EXOSC5: variants seen among roughly 807,000 people sequenced by gnomAD.
EXOSC5 encodes the protein exosome component 5, also known as exosome complex component RRP46.
In EXOSC5, 15 loss-of-function variants were observed where a neutral mutation model predicts 23.7. The ratio of observed to expected loss-of-function variants is 0.63; its 90% CI spans 0.42 to 0.97. The LOEUF (loss-of-function observed/expected upper bound fraction) is 0.97. Ranked by LOEUF, EXOSC5 falls within the 50% of genes least tolerant of loss-of-function variation. The pLI is 0.00. For synonymous variants in EXOSC5, 143 were observed against 140.9 expected, an observed-to-expected ratio of 1.02 and a Z score of -0.11; for missense variants, 305 against 316.3, an observed-to-expected ratio of 0.96 and a Z score of 0.27.
chr19:41,388,339 T>C (rs1035116593), intron 4 of EXOSC5, among the ~76,000 whole-genome samples: 4 of 152,238 alleles, frequency 2.6e-5, no homozygotes, highest in African/African-American at 9.6e-5. Flanking sequence ...TACCAGCTAG[T>C]TTCCATCAGT....
At chr19:41,391,988 G>A (rs765428851) in intron 2 of EXOSC5, 26 bp from the exon 3 acceptor site, 9 of 1,569,206 alleles carry the variant, frequency 5.7e-6, no homozygotes, top group Non-Finnish European at 6.9e-6. Flanking sequence ...AGAGGTTCAG[G>A]GTCTTCCCCT....
At position 41,389,773 on chromosome 19, in the gene EXOSC5, G is replaced by A. The variant is rs763537645; in HGVS notation, c.517C>T (p.Gln173Ter). The A allele has an allele frequency of 1.2e-6, 2 of 1,613,036 alleles. No individual in the cohort carries two copies. The highest frequency in any genetic ancestry group is 1.7e-6 in the Non-Finnish European group (2 of 1,179,598). The stretch of plus-strand genomic sequence containing the variant: ...CTGGTCTTCACACCTACCTTTTCTT[G>A]CTTGGATGTAGGATCCAGCACGAGG... The part of the protein sequence containing the change: ...GTLVLDPTSK[Q>*]EKEARAVLTF... Residue 173 changes from glutamine (Q) to a stop codon, truncating the protein, a stop_gained, in exon 4 of 6, where the codon CAA (glutamine) becomes TAA (stop). Coordinates refer to ENST00000221233, the MANE Select transcript of EXOSC5 (RefSeq NM_020158.4). LOFTEE classifies it high-confidence loss of function.
At chr19:41,392,767 C>T (rs1361091171) in intron 2 of EXOSC5, 100 bp downstream of exon 2, 35 of 954,034 alleles carry the variant, frequency 3.7e-5, no homozygotes, top group Non-Finnish European at 5.8e-5. Context: ...AGTGGAGACC[C>T]AAGCGGGGAG....
intron 3 of EXOSC5, 144 bp downstream of exon 3, chr19:41,391,697 C>T: frequency 8.9e-7 from 1 of 1,124,498 alleles, no homozygotes. Context: ...AGTAAGCACC[C>T]AGGCTGTTTG....
At position 41,392,961 on chromosome 19, in the gene EXOSC5, C is replaced by T. The variant is rs946478827; in HGVS notation, c.168G>A (p.Ala56=). 8 of 1,613,118 alleles carry T rather than the reference C, an allele frequency of 5.0e-6. No individual in the cohort carries two copies. Among genetic ancestry groups the T allele is most frequent in the Middle Eastern group, 1.8e-4 (1 of 5,422 alleles). The change falls in exon 2 of 6, where the codon GCG becomes GCA. Residue 56 remains alanine (A), a synonymous_variant. Transcript: ENST00000221233. ...SFLQGDTSVL[A]GVYGPAEVKV... ...TCACCTCGGCCGGCCCGTACACACC[C>T]GCCAGGACAGAGGTGTCACCTGAGG...
intron 1 of EXOSC5, among the ~76,000 whole-genome samples, chr19:41,394,219 G>A (rs11667908): frequency 0.65 from 99,148 of 151,610 alleles, 33,500 homozygotes; most frequent in African/African-American, 0.82. Flanking sequence ...CTCTACTAAA[G>A]ATACAAAAAT....
chr19:41,388,773 G>A (rs7259208), intron 4 of EXOSC5, among the ~76,000 whole-genome samples: 4,464 of 152,246 alleles, frequency 0.029, 188 homozygotes, highest in African/African-American at 0.098. Context: ...CACCTGAGCC[G>A]ATGAGGAAAA....
At chr19:41,388,574 G>T (rs993423770) in intron 4 of EXOSC5, among the ~76,000 whole-genome samples, 1 of 152,124 alleles carries the variant, frequency 6.6e-6, no homozygotes, top group Non-Finnish European at 1.5e-5. Context: ...GTCTGGGAGG[G>T]GTTTCTCATC....
intron 1 of EXOSC5, among the ~76,000 whole-genome samples, chr19:41,395,223 G>GT (rs1227004287): frequency 7.0e-6 from 1 of 143,766 alleles, no homozygotes; most frequent in Non-Finnish European, 1.5e-5. Flanking sequence ...GGTTAAGGCC[G>GT]TATTTCCTGG....
chr19:41,396,646 C>T (rs2039067919), intron 1 of EXOSC5, among the ~76,000 whole-genome samples: 1 of 99,018 alleles, frequency 1.0e-5, no homozygotes, highest in Admixed American at 1.0e-4. Context: ...TTGACTTGCC[C>T]TAATCTTAGG....
At chr19:41,392,340 G>T (rs964483137) in intron 2 of EXOSC5, among the ~76,000 whole-genome samples, 2 of 152,192 alleles carry the variant, frequency 1.3e-5, no homozygotes, top group Admixed American at 6.5e-5. Context: ...CCAACACTTT[G>T]GGGGGCTGAG....
chr19:41,395,051 A>G (rs1331203858), intron 1 of EXOSC5, among the ~76,000 whole-genome samples: 3 of 151,164 alleles, frequency 2.0e-5, no homozygotes, highest in African/African-American at 2.4e-5. Context: ...AAAAAAGAAA[A>G]AAAAAAAAAG....
At position 41,397,348 on chromosome 19, in the gene EXOSC5, G is replaced by A. The variant is rs764990672; in HGVS notation, c.-20C>T. On this transcript the variant is annotated 5_prime_UTR_variant, in exon 1 of 6. Coordinates refer to ENST00000221233, the MANE Select transcript of EXOSC5 (RefSeq NM_020158.4). Reference sequence around the variant, plus strand: ...CTCCATCGCGCCGAGCCCACGTGCGGCTGCAGTTGTCACTTCCGCCTGGCA... The same window carrying A: ...CTCCATCGCGCCGAGCCCACGTGCGACTGCAGTTGTCACTTCCGCCTGGCA... 1 of 1,596,868 alleles carries A rather than the reference G, an allele frequency of 6.3e-7. No individual in the cohort carries two copies. Among genetic ancestry groups the A allele is most frequent in the Non-Finnish European group, 8.6e-7 (1 of 1,167,482 alleles).
At chr19:41,389,247 T>C (rs926202891) in intron 4 of EXOSC5, among the ~76,000 whole-genome samples, 1 of 149,212 alleles carries the variant, frequency 6.7e-6, no homozygotes, top group African/African-American at 2.5e-5. Flanking sequence ...CACCTGGCCA[T>C]ACATTTCCTT....
At chr19:41,393,620 C>A (rs1275398542) in intron 1 of EXOSC5, among the ~76,000 whole-genome samples, 2 of 150,860 alleles carry the variant, frequency 1.3e-5, no homozygotes, top group African/African-American at 4.9e-5. Flanking sequence ...AGTGCAGTGG[C>A]GTAATCTCGG....
Position 41,389,905 on chromosome 19 carries a change from G to A in EXOSC5, c.385C>T (p.Leu129Phe), listed in dbSNP as rs1421378618. ...GCGGCATTCAGACAACAGGCCAGGA[G>A]CTGAGCACCACAGGAAATGGTTAAG... ...VLQVVSDAGS[L>F]LACCLNAACM... Residue 129 changes from leucine to phenylalanine, a missense_variant and splice_region_variant, in exon 4 of 6, where the codon CTC becomes TTC. Leu to Phe is a conservative substitution (Grantham distance 22, BLOSUM62 0). Transcript: ENST00000221233. 1 of 1,589,918 alleles carries A rather than the reference G, an allele frequency of 6.3e-7. No homozygotes were observed. Among genetic ancestry groups the A allele is most frequent in the Non-Finnish European group, 8.5e-7 (1 of 1,172,960 alleles).
chr19:41,394,984 C>T (rs1321342579), intron 1 of EXOSC5, among the ~76,000 whole-genome samples: 5 of 148,692 alleles, frequency 3.4e-5, no homozygotes, highest in African/African-American at 7.5e-5. Context: ...CAGTGAGCCA[C>T]GATCACTTCA....
intron 3 of EXOSC5, 132 bp downstream of exon 3, chr19:41,391,709 T>C (rs776758054): frequency 3.9e-6 from 5 of 1,267,886 alleles, no homozygotes; most frequent in East Asian, 2.8e-5. Flanking sequence ...GGCTGTTTGC[T>C]CTCCTTCTTC....
intron 1 of EXOSC5, 44 bp from the exon 2 acceptor site, chr19:41,393,024 C>A: frequency 1.3e-6 from 2 of 1,577,038 alleles, no homozygotes; most frequent in South Asian, 2.2e-5. Context: ...CTTCCCTGCT[C>A]CTGGGGCCCC....
Sources: allele counts gnomAD v4.1 joint callset (sites outside exome capture counted in the v4.1 genomes callset), GRCh38; gene constraint gnomAD v4.1.1; transcripts MANE v1.5; gene names NCBI Gene and HGNC (gene_info 2026-07-23, HGNC 2026-07-21).